Variants in TAFA1 observed in about 807,000 individuals in gnomAD.
TAFA1 encodes the protein TAFA chemokine like family member 1.
In TAFA1, 4 loss-of-function variants were observed where a neutral mutation model predicts 18.5. The observed-to-expected ratio is 0.22, with a 90% CI of 0.11 to 0.49. TAFA1 has a LOEUF of 0.49. TAFA1 is among the 20% of genes least tolerant of loss of function. TAFA1 has a pLI of 0.98. For missense variants in TAFA1, 147 were observed against 169.0 expected (o/e 0.87, Z 0.72); for synonymous variants, 56 against 55.2 (o/e 1.01, Z -0.06).
At chr3:67,997,028 G>A in the TAFA1 span, among the ~76,000 whole-genome samples, 1 of 152,138 alleles carries the variant, frequency 6.6e-6, no homozygotes, top group East Asian at 1.9e-4. Flanking sequence ...ACTCCATAGA[G>A]AATGACATCA....
At chr3:68,467,961 G>C (rs1303080673) in intron 3 of TAFA1, among the ~76,000 whole-genome samples, 1 of 152,138 alleles carries the variant, frequency 6.6e-6, no homozygotes, top group African/African-American at 2.4e-5. Context: ...GAACATTATA[G>C]TAAACATTTA....
intron 3 of TAFA1, among the ~76,000 whole-genome samples, chr3:68,456,242 A>G (rs2071663535): frequency 6.6e-6 from 1 of 152,144 alleles, no homozygotes; most frequent in Admixed American, 6.5e-5. Context: ...GCAACTTTAT[A>G]TATAAGGGCA....
intron 2 of TAFA1, among the ~76,000 whole-genome samples, chr3:68,409,387 T>C (rs899665746): frequency 1.3e-5 from 2 of 151,926 alleles, no homozygotes; most frequent in East Asian, 1.9e-4. Flanking sequence ...TAGTTGGAGG[T>C]GATTGGATCA....
Position 68,391,908 on chromosome 3 carries a change from T to A in TAFA1, c.119-25372T>A, listed in dbSNP as rs577934918. Among the ~76,000 whole-genome samples the A allele has an allele frequency of 5.9e-5, 9 of 151,980 alleles. No homozygotes were observed. The East Asian group carries it at 1.5e-3, about 26-fold the overall frequency. ...CAGTACCAGCCACTGCAAAAGCATATCAAAATGTAAAGACCATCAACACTA... is the reference window on the plus strand; with the variant it reads ...CAGTACCAGCCACTGCAAAAGCATAACAAAATGTAAAGACCATCAACACTA... On this transcript the variant is annotated intron_variant, in intron 2 of 4. Coordinates refer to ENST00000478136, the MANE Select transcript of TAFA1 (RefSeq NM_213609.4).
chr3:68,146,084 G>A (rs1262295435), intron 2 of TAFA1, among the ~76,000 whole-genome samples: 3 of 152,170 alleles, frequency 2.0e-5, no homozygotes, highest in Non-Finnish European at 2.9e-5. Flanking sequence ...ATTGGTAGAA[G>A]TTTCCTCAAA....
intron 3 of TAFA1, among the ~76,000 whole-genome samples, chr3:68,506,224 CTT>C (rs2072750878): frequency 6.6e-6 from 1 of 152,076 alleles, no homozygotes; most frequent in Non-Finnish European, 1.5e-5. Flanking sequence ...TGAACTCATC[CTT>C]TTTATAGCTG....
chr3:68,074,235 G>A (rs945740018), intron 2 of TAFA1, among the ~76,000 whole-genome samples: 1 of 152,108 alleles, frequency 6.6e-6, no homozygotes, highest in African/African-American at 2.4e-5. Context: ...GGCTTAATGC[G>A]AGTGACAGGG....
chr3:68,036,005 T>C (rs1036853094), intron 2 of TAFA1, among the ~76,000 whole-genome samples: 1 of 151,920 alleles, frequency 6.6e-6, no homozygotes, highest in African/African-American at 2.4e-5. Context: ...GGGGCTAAGG[T>C]TGAGGGTAGG....
At chr3:68,082,363 T>C (rs1202028910) in intron 2 of TAFA1, among the ~76,000 whole-genome samples, 2 of 152,184 alleles carry the variant, frequency 1.3e-5, no homozygotes, top group East Asian at 1.9e-4. Context: ...CTAATTAATT[T>C]ATTCCTCATT....
chr3:68,005,785 GTGT>G (rs1704347362), intron 1 of TAFA1, among the ~76,000 whole-genome samples: 1 of 152,192 alleles, frequency 6.6e-6, no homozygotes, highest in South Asian at 2.1e-4. Flanking sequence ...GCAGCATAAG[GTGT>G]TGTTTGAGAA....
intron 2 of TAFA1, among the ~76,000 whole-genome samples, chr3:68,399,521 A>G (rs1035459963): frequency 6.6e-6 from 1 of 152,194 alleles, no homozygotes; most frequent in African/African-American, 2.4e-5. Flanking sequence ...GAAAATCTGT[A>G]TCTAATTGAT....
intron 2 of TAFA1, among the ~76,000 whole-genome samples, chr3:68,139,957 C>T (rs2065650386): frequency 6.6e-6 from 1 of 152,150 alleles, no homozygotes; most frequent in African/African-American, 2.4e-5. Flanking sequence ...ATAATAGTAC[C>T]TCATGGAGTG....
At chr3:68,160,176 G>C (rs1222228149) in intron 2 of TAFA1, among the ~76,000 whole-genome samples, 3 of 152,210 alleles carry the variant, frequency 2.0e-5, no homozygotes, top group Non-Finnish European at 4.4e-5. Flanking sequence ...TAACTTGCCA[G>C]ATAGCTAAGA....
rs773025236 is a variant in TAFA1 at position 68,305,409 on chromosome 3, C to CTATATATATATATATA, written c.119-111838_119-111823dup. Among the ~76,000 whole-genome samples, 12 of 38,200 alleles carry CTATATATATATATATA rather than the reference C, an allele frequency of 3.1e-4. 2 individuals are homozygous for CTATATATATATATATA. The highest frequency in any genetic ancestry group is 5.0e-4 in the African/African-American group (4 of 8,032). The allele number at this position is 38,200 out of a possible 152,430, so 25.1% of individuals were successfully genotyped here. A position where few individuals can be genotyped will look rare whatever the true frequency, so the allele number is the denominator to read the frequency against. On this transcript the variant is annotated intron_variant, in intron 2 of 4. Transcript: ENST00000478136. ...TATATGACTATATATGACTATATGA[C>CTATATATATATATATA]TATATATATATATATATATATATAT... is the stretch of plus-strand genomic sequence containing the variant.
chr3:68,060,178 T>C (rs1000935248), intron 2 of TAFA1, among the ~76,000 whole-genome samples: 1 of 149,920 alleles, frequency 6.7e-6, no homozygotes, highest in South Asian at 2.1e-4. Flanking sequence ...AAGTCCACCA[T>C]TGCAACTGTG....
chr3:68,421,738 T>C (rs1203740868), intron 3 of TAFA1, among the ~76,000 whole-genome samples: 1 of 152,158 alleles, frequency 6.6e-6, no homozygotes, highest in Non-Finnish European at 1.5e-5. Context: ...TAATGTTTTT[T>C]GCACAATGTC....
intron 2 of TAFA1, among the ~76,000 whole-genome samples, chr3:68,091,644 A>C (rs2065030896): frequency 6.6e-6 from 1 of 152,134 alleles, no homozygotes; most frequent in African/African-American, 2.4e-5. Flanking sequence ...AATTTTGATA[A>C]ACCACTACAA....
intron 2 of TAFA1, among the ~76,000 whole-genome samples, chr3:68,354,548 A>C (rs1336272514): frequency 1.3e-5 from 2 of 152,046 alleles, no homozygotes; most frequent in Non-Finnish European, 2.9e-5. Flanking sequence ...AAACATCTAG[A>C]AAAAGAAATT....
At chr3:68,073,646 G>A (rs2106754368) in intron 2 of TAFA1, among the ~76,000 whole-genome samples, 1 of 152,260 alleles carries the variant, frequency 6.6e-6, no homozygotes, top group Non-Finnish European at 1.5e-5. Context: ...TAAAAGATAA[G>A]TATTGCATCT....
Sources: gnomAD v4.1 joint callset for allele counts (sites outside exome capture counted in the v4.1 genomes callset) on GRCh38, gnomAD v4.1.1 for gene constraint, MANE v1.5 for transcripts, NCBI Gene and HGNC (gene_info 2026-07-23, HGNC 2026-07-21) for gene names.